The following IGFL2 variants were observed in gnomAD, a reference collection of about 807,000 sequenced individuals.
IGFL2 encodes the protein insulin growth factor-like family member 2.
Under a neutral mutation model 13.9 loss-of-function variants are expected in IGFL2, and 7 were observed. The ratio of observed to expected loss-of-function variants is 0.51; its 90% CI spans 0.29 to 0.95. The LOEUF (loss-of-function observed/expected upper bound fraction) is 0.95. Among genes scored for constraint, IGFL2 ranks in the 40% least tolerant of loss-of-function variants. The pLI is 0.08. For synonymous variants in IGFL2, 55 were observed against 55.8 expected (o/e 0.99, Z 0.07); for missense variants, 138 against 147.8 (o/e 0.93, Z 0.34).
the IGFL2 span, among the ~76,000 whole-genome samples, chr19:46,183,515 C>T: frequency 1.3e-5 from 2 of 151,566 alleles, no homozygotes; most frequent in East Asian, 3.9e-4. Flanking sequence ...CTCTCCCCTA[C>T]TCTGTCTCTC....
At chr19:46,162,612 GA>G (rs1974216832), downstream of IGFL2, among the ~76,000 whole-genome samples, 1 of 152,180 alleles carries the variant, frequency 6.6e-6, no homozygotes, top group South Asian at 2.1e-4. Flanking sequence ...ATTGCATTGT[GA>G]AATTCTTGTG....
At chr19:46,104,167 C>T in the IGFL2 span, among the ~76,000 whole-genome samples, 1 of 152,130 alleles carries the variant, frequency 6.6e-6, no homozygotes, top group Non-Finnish European at 1.5e-5. Flanking sequence ...GCCTAGAGGG[C>T]TGGTGTCTGG....
At chr19:46,211,570 C>T in the IGFL2 span, 9 of 152,124 alleles carry the variant, frequency 5.9e-5, no homozygotes, top group Non-Finnish European at 8.8e-5. Flanking sequence ...GAAATGCCAA[C>T]GTCCTCCGGG....
chr19:46,212,863 C>T, the IGFL2 span: 1 of 152,116 alleles, frequency 6.6e-6, no homozygotes, highest in Non-Finnish European at 1.5e-5. Flanking sequence ...GGATAAATGA[C>T]CATTAATGAA....
the IGFL2 span, among the ~76,000 whole-genome samples, chr19:46,093,555 T>TA: frequency 6.6e-6 from 1 of 152,138 alleles, no homozygotes; most frequent in Non-Finnish European, 1.5e-5. Context: ...CTAGCTAGTG[T>TA]AATGAGGCAA....
chr19:46,146,155 T>C (rs1973126541), upstream of IGFL2, among the ~76,000 whole-genome samples: 1 of 148,006 alleles, frequency 6.8e-6, no homozygotes, highest in Non-Finnish European at 1.5e-5. Context: ...AGAAGTCTTC[T>C]TTTTTTTTTT....
the IGFL2 span, among the ~76,000 whole-genome samples, chr19:46,134,557 A>G: frequency 1.3e-5 from 2 of 152,234 alleles, no homozygotes; most frequent in Non-Finnish European, 2.9e-5. Flanking sequence ...GACAGGAGAC[A>G]GTGACAGATC....
chr19:46,137,054 C>G, the IGFL2 span: 1 of 1,594,640 alleles, frequency 6.3e-7, no homozygotes. Flanking sequence ...CACTGATGGA[C>G]GAGCCAAAAC....
At chr19:46,152,000 G>C (rs1020620859) in intron 1 of IGFL2, among the ~76,000 whole-genome samples, 6 of 152,130 alleles carry the variant, frequency 3.9e-5, no homozygotes, top group African/African-American at 1.2e-4. Flanking sequence ...TCCAATTTGC[G>C]AACATGGATG....
chr19:46,104,538 T>C, the IGFL2 span, among the ~76,000 whole-genome samples: 1 of 152,182 alleles, frequency 6.6e-6, no homozygotes, highest in Non-Finnish European at 1.5e-5. Context: ...TGCGGTAGCC[T>C]TCTCAGATCC....
the IGFL2 span, among the ~76,000 whole-genome samples, chr19:46,107,089 T>G: frequency 4.3e-4 from 66 of 152,256 alleles, no homozygotes; most frequent in Middle Eastern, 3.4e-3. Context: ...GTTGTCCAAG[T>G]TGGCACCAGA....
chr19:46,185,907 T>A, the IGFL2 span, among the ~76,000 whole-genome samples: 1 of 152,078 alleles, frequency 6.6e-6, no homozygotes, highest in Non-Finnish European at 1.5e-5. Context: ...CCCGGGAAAT[T>A]TTTAAGACTC....
chr19:46,122,967 G>A, the IGFL2 span, among the ~76,000 whole-genome samples: 3 of 150,450 alleles, frequency 2.0e-5, no homozygotes, highest in African/African-American at 7.4e-5. Context: ...CTTCTTTCCA[G>A]GGTAAAAAAA....
the IGFL2 span, among the ~76,000 whole-genome samples, chr19:46,177,917 C>CAG: frequency 6.6e-6 from 1 of 152,164 alleles, no homozygotes; most frequent in Non-Finnish European, 1.5e-5. Flanking sequence ...GAAGGGAGGT[C>CAG]AGACACCCCT....
chr19:46,145,628 G>T (rs1363779537), upstream of IGFL2, among the ~76,000 whole-genome samples: 1 of 136,366 alleles, frequency 7.3e-6, no homozygotes, highest in Non-Finnish European at 1.7e-5. Flanking sequence ...GTGTGTGTGT[G>T]TGTGTGTATT....
chr19:46,164,522 G>A (rs1037549876), downstream of IGFL2: 11 of 152,256 alleles, frequency 7.2e-5, no homozygotes, highest in African/African-American at 2.2e-4. Flanking sequence ...GGTGGCTGGA[G>A]GCCCCAGTTG....
the IGFL2 span, chr19:46,120,398 A>G: frequency 6.2e-7 from 1 of 1,609,026 alleles, no homozygotes; most frequent in Non-Finnish European, 8.5e-7. Flanking sequence ...AACAACATAT[A>G]TTCTCAGGAA....
the IGFL2 span, among the ~76,000 whole-genome samples, chr19:46,201,346 C>G: frequency 6.6e-6 from 1 of 152,392 alleles, no homozygotes; most frequent in East Asian, 1.9e-4. Flanking sequence ...CCCAGCCTTG[C>G]TGCCCACTCC....
chr19:46,120,442 C>G, the IGFL2 span: 1 of 1,581,678 alleles, frequency 6.3e-7, no homozygotes, highest in Non-Finnish European at 8.6e-7. Flanking sequence ...TTTTAACAAA[C>G]TTGACTTTAA....
Sources: gnomAD v4.1 joint callset for allele counts (sites outside exome capture counted in the v4.1 genomes callset) on GRCh38, gnomAD v4.1.1 for gene constraint, MANE v1.5 for transcripts, NCBI Gene and HGNC (gene_info 2026-07-23, HGNC 2026-07-21) for gene names.